SCLT1: variants seen among roughly 807,000 people sequenced by gnomAD.
The protein encoded by SCLT1 is sodium channel and clathrin linker 1.
SCLT1 carries 78 observed loss-of-function variants against 112.8 expected under a neutral mutation model. That is an observed-to-expected ratio of 0.69 (90% CI 0.58 to 0.83). The LOEUF (loss-of-function observed/expected upper bound fraction) is 0.83. SCLT1 is among the 40% of genes least tolerant of loss of function. The pLI is 0.00. For missense variants in SCLT1, 747 were observed against 770.4 expected (o/e 0.97, Z 0.36); for synonymous variants, 257 against 254.7 (o/e 1.01, Z -0.09).
chr4:129,074,827 G>C (rs1431958631), intron 2 of SCLT1, among the ~76,000 whole-genome samples: 1 of 152,038 alleles, frequency 6.6e-6, no homozygotes, highest in Admixed American at 6.6e-5. Context: ...TCTGCTTCCT[G>C]GGTAACCAGA....
intron 5 of SCLT1, among the ~76,000 whole-genome samples, chr4:129,019,844 T>C (rs1285679988): frequency 6.6e-6 from 1 of 151,894 alleles, no homozygotes; most frequent in Non-Finnish European, 1.5e-5. Flanking sequence ...GTTGTTTCCT[T>C]TTTTATGCTC....
At chr4:129,081,841 T>C (rs1027046333) in intron 2 of SCLT1, among the ~76,000 whole-genome samples, 2 of 152,240 alleles carry the variant, frequency 1.3e-5, no homozygotes, top group Admixed American at 6.5e-5. Context: ...ACCTTCCTTT[T>C]AATATTCTGT....
chr4:129,072,366 A>T (rs1487153680), intron 2 of SCLT1, among the ~76,000 whole-genome samples: 1 of 152,192 alleles, frequency 6.6e-6, no homozygotes, highest in African/African-American at 2.4e-5. Context: ...AGCAAGGCCA[A>T]GGAAGTTTTC....
At chr4:128,990,747 C>T (rs1219827514) in intron 9 of SCLT1, among the ~76,000 whole-genome samples, 1 of 150,678 alleles carries the variant, frequency 6.6e-6, no homozygotes, top group Non-Finnish European at 1.5e-5. Flanking sequence ...TTGCCACATA[C>T]AAGATCAACG....
chr4:128,936,838 TC>T lies in SCLT1; in HGVS notation c.1645del (p.Glu549AsnfsTer6). 1 of 1,547,162 alleles carries T rather than the reference TC, an allele frequency of 6.5e-7. No individual in the cohort carries two copies. The highest frequency in any genetic ancestry group is 8.9e-7 in the Non-Finnish European group (1 of 1,129,058). On this transcript the variant is annotated frameshift_variant, in exon 18 of 21. Coordinates refer to ENST00000281142, the MANE Select transcript of SCLT1 (RefSeq NM_144643.4). LOFTEE classifies it high-confidence loss of function. ...KKAKVKISTM[E>X]HEFSIKERGF... ...ACGTTCCTTTATTGAAAATTCATGT[TC>T]CATTGTACTGATCTAAAGAATAAAA...
intron 2 of SCLT1, among the ~76,000 whole-genome samples, chr4:129,053,664 G>C (rs1456154045): frequency 1.4e-5 from 2 of 146,940 alleles, no homozygotes; most frequent in Admixed American, 7.0e-5. Context: ...ATGTGAGTGG[G>C]TCTCCTGAAG....
chr4:129,036,404 C>T (rs909003383), intron 5 of SCLT1, among the ~76,000 whole-genome samples: 13 of 151,996 alleles, frequency 8.6e-5, no homozygotes, highest in African/African-American at 3.1e-4. Flanking sequence ...CTTGTCTATT[C>T]TCAGCACATT....
chr4:129,003,618 A>T (rs1465749724), intron 6 of SCLT1, 123 bp downstream of exon 6: 1 of 815,508 alleles, frequency 1.2e-6, no homozygotes, highest in Non-Finnish European at 1.8e-6. Flanking sequence ...CGATTCTTAT[A>T]AACTGTAAAA....
intron 18 of SCLT1, among the ~76,000 whole-genome samples, chr4:128,931,347 G>A (rs1487830881): frequency 6.6e-6 from 1 of 152,114 alleles, no homozygotes; most frequent in Non-Finnish European, 1.5e-5. Flanking sequence ...TGCCTTTTGT[G>A]TATTTCTTTC....
intron 18 of SCLT1, among the ~76,000 whole-genome samples, chr4:128,911,972 G>A (rs973351182): frequency 6.6e-6 from 1 of 152,174 alleles, no homozygotes; most frequent in Non-Finnish European, 1.5e-5. Context: ...TATTTTCAGG[G>A]GGAAAGCTTT....
At chr4:128,929,389 A>C (rs1022659433) in intron 18 of SCLT1, among the ~76,000 whole-genome samples, 1 of 152,188 alleles carries the variant, frequency 6.6e-6, no homozygotes, top group Non-Finnish European at 1.5e-5. Flanking sequence ...GCTTGTTCTA[A>C]ATTTATTTAT....
chr4:128,923,254 T>C (rs139993279), intron 18 of SCLT1, among the ~76,000 whole-genome samples: 2,639 of 152,138 alleles, frequency 0.017, 64 homozygotes, highest in African/African-American at 0.055. Context: ...GAGACCAGCC[T>C]CGCCAATATG....
At chr4:128,976,334 G>C (rs964424987) in intron 9 of SCLT1, among the ~76,000 whole-genome samples, 6 of 152,142 alleles carry the variant, frequency 3.9e-5, no homozygotes, top group Non-Finnish European at 1.5e-5. Context: ...CTACAAGATT[G>C]ACAATTTACT....
At chr4:129,006,119 A>T (rs938221433) in intron 5 of SCLT1, among the ~76,000 whole-genome samples, 1 of 151,856 alleles carries the variant, frequency 6.6e-6, no homozygotes, top group Non-Finnish European at 1.5e-5. Flanking sequence ...ATACATATGT[A>T]ACTAACCTGC....
chr4:129,069,470 C>T (rs975281502), intron 2 of SCLT1, among the ~76,000 whole-genome samples: 2 of 149,498 alleles, frequency 1.3e-5, no homozygotes, highest in Admixed American at 6.8e-5. Context: ...TTTCCTTGTA[C>T]TTTGACTACT....
At chr4:128,937,007 G>A (rs902325987) in intron 17 of SCLT1, among the ~76,000 whole-genome samples, 156 bp from the exon 18 acceptor site, 4 of 152,060 alleles carry the variant, frequency 2.6e-5, no homozygotes, top group African/African-American at 7.2e-5. Flanking sequence ...GGTCAGGTGC[G>A]GTGGCTCATG....
At chr4:129,033,472 T>A (rs112490065) in intron 5 of SCLT1, among the ~76,000 whole-genome samples, 2 of 124,796 alleles carry the variant, frequency 1.6e-5, no homozygotes, top group Non-Finnish European at 3.2e-5. Context: ...CAAACCTGCA[T>A]GTTCTGCCCA....
intron 18 of SCLT1, among the ~76,000 whole-genome samples, chr4:128,900,432 T>A (rs1031290210): frequency 1.3e-5 from 2 of 152,190 alleles, no homozygotes; most frequent in African/African-American, 4.8e-5. Context: ...GGGGAAAGGA[T>A]TCCCTATTTA....
At chr4:129,008,696 T>A (rs1744244691) in intron 5 of SCLT1, among the ~76,000 whole-genome samples, 1 of 152,194 alleles carries the variant, frequency 6.6e-6, no homozygotes, top group Non-Finnish European at 1.5e-5. Context: ...CAGGGGTACA[T>A]GTACAGGTTT....
Sources: gnomAD v4.1 joint callset for allele counts (sites outside exome capture counted in the v4.1 genomes callset) on GRCh38, gnomAD v4.1.1 for gene constraint, MANE v1.5 for transcripts, NCBI Gene and HGNC (gene_info 2026-07-23, HGNC 2026-07-21) for gene names.